LMNTD1: variants seen among roughly 807,000 people sequenced by gnomAD.
LMNTD1 encodes lamin tail domain-containing protein 1.
A neutral mutation model predicts 50.9 loss-of-function variants in LMNTD1; 35 were observed. The ratio of observed to expected loss-of-function variants is 0.69; its 90% confidence interval spans 0.53 to 0.91. The LOEUF is 0.91. Ranked by LOEUF, LMNTD1 falls within the 40% of genes least tolerant of loss-of-function variation. The probability of loss-of-function intolerance (pLI) is 0.00; values close to 1 mark genes in which losing one functional copy is unlikely to be tolerated. For synonymous variants in LMNTD1, 153 were observed against 161.9 expected (o/e 0.94, Z 0.42); for missense variants, 470 against 475.5 (o/e 0.99, Z 0.11).
intron 1 of LMNTD1, among the ~76,000 whole-genome samples, chr12:25,639,471 C>A (rs985490604): frequency 1.3e-5 from 2 of 152,000 alleles, no homozygotes; most frequent in African/African-American, 4.8e-5. Context: ...AATAAAAAGA[C>A]AAACAATGCA....
At chr12:25,477,120 TG>T (rs1477234178) in intron 9 of LMNTD1, among the ~76,000 whole-genome samples, 2 of 152,238 alleles carry the variant, frequency 1.3e-5, no homozygotes, top group Non-Finnish European at 2.9e-5. Context: ...GTAGGCTATA[TG>T]AACGTTTTTC....
chr12:25,488,341 C>T (rs1388470846), intron 9 of LMNTD1, among the ~76,000 whole-genome samples: 1 of 109,772 alleles, frequency 9.1e-6, no homozygotes, highest in African/African-American at 3.5e-5. Flanking sequence ...TCTTTTTATT[C>T]TTTTTTCTCT....
intron 1 of LMNTD1, among the ~76,000 whole-genome samples, chr12:25,595,553 T>A (rs1477167136): frequency 1.3e-5 from 2 of 152,020 alleles, no homozygotes; most frequent in Non-Finnish European, 2.9e-5. Flanking sequence ...ATACAACCTA[T>A]CAAAATCTCT....
intron 1 of LMNTD1, among the ~76,000 whole-genome samples, chr12:25,617,696 A>T (rs1946378104): frequency 6.6e-6 from 1 of 152,256 alleles, no homozygotes; most frequent in East Asian, 1.9e-4. Context: ...AAAGTTCACC[A>T]CGCTTAACAG....
intron 8 of LMNTD1, 145 bp downstream of exon 8, chr12:25,518,650 C>G (rs905606132): frequency 2.9e-6 from 2 of 693,436 alleles, no homozygotes; most frequent in African/African-American, 3.5e-5. Context: ...GAATGGTTAA[C>G]AATACTTCCT....
intron 4 of LMNTD1, among the ~76,000 whole-genome samples, chr12:25,535,221 A>G (rs1362331199): frequency 6.6e-6 from 1 of 152,192 alleles, no homozygotes; most frequent in African/African-American, 2.4e-5. Context: ...TGAAAAGATC[A>G]GTGAACATGA....
intron 1 of LMNTD1, among the ~76,000 whole-genome samples, chr12:25,617,578 A>G (rs536709220): frequency 6.6e-6 from 1 of 152,276 alleles, no homozygotes; most frequent in African/African-American, 2.4e-5. Context: ...GATGGTTTCT[A>G]TTTTTCTAGA....
chr12:25,519,016 T>C (rs1191353208), intron 7 of LMNTD1, 49 bp from the exon 8 acceptor site: 1 of 1,569,526 alleles, frequency 6.4e-7, no homozygotes, highest in Admixed American at 1.7e-5. Context: ...TTTTATGCTG[T>C]GGTGTTAATG....
rs166778 is a variant in LMNTD1 at position 25,614,196 on chromosome 12, A to G, written c.58+34298T>C. Among the ~76,000 whole-genome samples the G allele has an allele frequency of 3.9e-3, 596 of 151,906 alleles. 3 individuals carry two copies. Among genetic ancestry groups the G allele is most frequent in the African/African-American group, 0.011 (454 of 41,436 alleles). On this transcript the variant is annotated intron_variant, in intron 1 of 7. Transcript: ENST00000445693. ...GCGATGTCCTCTTTTTTTTCTGTCT[A>G]TTCCTTGTTAAGCTTCCTACGCATT...
chr12:25,603,453 C>T (rs922510409), intron 1 of LMNTD1, among the ~76,000 whole-genome samples: 44 of 151,988 alleles, frequency 2.9e-4, no homozygotes, highest in African/African-American at 1.1e-3. Flanking sequence ...ATTGGTATAT[C>T]TGACTGTTTG....
chr12:25,531,896 T>G (rs1942251694), intron 4 of LMNTD1, among the ~76,000 whole-genome samples: 1 of 152,234 alleles, frequency 6.6e-6, no homozygotes, highest in African/African-American at 2.4e-5. Context: ...TTCTGCTATA[T>G]CAAATGTAAT....
intron 9 of LMNTD1, among the ~76,000 whole-genome samples, chr12:25,501,749 C>T (rs1253312183): frequency 4.6e-5 from 7 of 152,184 alleles, no homozygotes; most frequent in Admixed American, 2.0e-4. Context: ...GCCAAGGATG[C>T]TCATGAATAC....
chr12:25,622,472 C>CTG (rs373245444), intron 1 of LMNTD1, among the ~76,000 whole-genome samples: 2 of 137,742 alleles, frequency 1.5e-5, no homozygotes, highest in African/African-American at 5.3e-5. Context: ...AGCCCGCCCC[C>CTG]CCCCGCAAAA....
chr12:25,527,681 T>TATATATACACACACAC (rs1463259109), intron 4 of LMNTD1, among the ~76,000 whole-genome samples: 2 of 32,350 alleles, frequency 6.2e-5, no homozygotes, highest in African/African-American at 1.2e-4. Context: ...TATATATATA[T>TATATATACACACACAC]ACACACACAC....
chr12:25,638,209 T>C (rs1366172343), intron 1 of LMNTD1, among the ~76,000 whole-genome samples: 6 of 152,038 alleles, frequency 3.9e-5, no homozygotes, highest in Admixed American at 1.3e-4. Context: ...AAAGAACATC[T>C]ACAAAAAAAC....
chr12:25,581,282 C>G (rs1201142679), intron 1 of LMNTD1, among the ~76,000 whole-genome samples: 1 of 152,196 alleles, frequency 6.6e-6, no homozygotes, highest in East Asian at 1.9e-4. Flanking sequence ...GTTGTTTTAT[C>G]TCCAAAGCAT....
chr12:25,628,945 A>G (rs757879062), intron 1 of LMNTD1, among the ~76,000 whole-genome samples: 1 of 152,202 alleles, frequency 6.6e-6, no homozygotes, highest in Non-Finnish European at 1.5e-5. Flanking sequence ...TCATCATGTT[A>G]AGGAGAAGCA....
intron 8 of LMNTD1, among the ~76,000 whole-genome samples, chr12:25,504,587 A>C (rs1432407241): frequency 2.0e-5 from 3 of 152,198 alleles, no homozygotes; most frequent in African/African-American, 7.2e-5. Flanking sequence ...AAAACAAAAT[A>C]AAACAGGAAA....
At chr12:25,619,504 A>G (rs1946428954) in intron 1 of LMNTD1, among the ~76,000 whole-genome samples, 1 of 152,162 alleles carries the variant, frequency 6.6e-6, no homozygotes, top group South Asian at 2.1e-4. Flanking sequence ...TTCACAAGAC[A>G]GTTGAGAGAG....
Sources: gnomAD v4.1 joint callset for allele counts (sites outside exome capture counted in the v4.1 genomes callset) on GRCh38, gnomAD v4.1.1 for gene constraint, MANE v1.5 for transcripts, NCBI Gene and HGNC (gene_info 2026-07-23, HGNC 2026-07-21) for gene names.